Variants in NOS1AP observed in about 807,000 individuals in gnomAD.
The protein encoded by NOS1AP is carboxyl-terminal PDZ ligand of neuronal nitric oxide synthase protein.
A neutral mutation model predicts 56.2 loss-of-function variants in NOS1AP; 21 were observed. The observed-to-expected ratio is 0.37, with a 90% CI of 0.26 to 0.54. NOS1AP has a LOEUF of 0.54. Among genes scored for constraint, NOS1AP ranks in the 20% least tolerant of loss-of-function variants. The pLI, the probability that NOS1AP is intolerant of heterozygous loss-of-function variation, is 0.84. For synonymous variants in NOS1AP, 270 were observed against 274.6 expected (o/e 0.98, Z 0.17); for missense variants, 522 against 657.8 (o/e 0.79, Z 2.26).
chr1:162,332,461 T>G (rs1292848666), intron 4 of NOS1AP, among the ~76,000 whole-genome samples: 1 of 152,196 alleles, frequency 6.6e-6, no homozygotes, highest in African/African-American at 2.4e-5. Flanking sequence ...GCCCACAGTG[T>G]GCACTCAGTG....
At chr1:162,109,423 A>G (rs1263975575) in intron 1 of NOS1AP, among the ~76,000 whole-genome samples, 1 of 152,210 alleles carries the variant, frequency 6.6e-6, no homozygotes, top group Non-Finnish European at 1.5e-5. Context: ...TTAAAGGTGC[A>G]TATTGAATTA....
chr1:162,156,945 T>A (rs1650000103), intron 2 of NOS1AP, among the ~76,000 whole-genome samples: 1 of 152,172 alleles, frequency 6.6e-6, no homozygotes, highest in Non-Finnish European at 1.5e-5. Flanking sequence ...AGGCTCTTTG[T>A]GACCCTAATA....
At chr1:162,205,079 A>G (rs1231332183) in intron 2 of NOS1AP, among the ~76,000 whole-genome samples, 2 of 152,204 alleles carry the variant, frequency 1.3e-5, no homozygotes, top group African/African-American at 2.4e-5. Flanking sequence ...TCACACTGCT[A>G]ATCAGTTGGT....
rs199857282 is a variant in NOS1AP at position 162,367,359 on chromosome 1, C to T, written c.1413C>T (p.Asp471=). The change falls in exon 10 of 10, where the codon GAC becomes GAT. Residue 471 remains aspartate (D), a synonymous_variant. Transcript: ENST00000361897. This position sits in a 1 kb window ranked among gnomAD's most constrained non-coding sequence, Gnocchi z 6.5. ...GIASEYESNT[D]ESEERDSWSQ... ...CCTCGGAGTACGAGTCCAACACGGA[C>T]GAGAGCGAGGAGCGCGACTCGTGGT... is the stretch of plus-strand genomic sequence containing the variant. 6 of 1,612,322 alleles carry T rather than the reference C, an allele frequency of 3.7e-6. No homozygotes were observed. The highest frequency in any genetic ancestry group is 1.3e-5 in the African/African-American group (1 of 75,044).
intron 2 of NOS1AP, among the ~76,000 whole-genome samples, chr1:162,259,880 T>C (rs1000426314): frequency 1.3e-5 from 2 of 152,236 alleles, no homozygotes; most frequent in Admixed American, 1.3e-4. Context: ...GTATTTGTAG[T>C]TGTAAAAATC....
chr1:162,213,655 G>A (rs973110373), intron 2 of NOS1AP, among the ~76,000 whole-genome samples: 1 of 152,168 alleles, frequency 6.6e-6, no homozygotes, highest in Non-Finnish European at 1.5e-5. Flanking sequence ...CTTTGGTCAG[G>A]CTGCCTGGAG....
chr1:162,302,123 TG>T (rs1415638755), intron 4 of NOS1AP, among the ~76,000 whole-genome samples: 2 of 152,244 alleles, frequency 1.3e-5, no homozygotes, highest in Non-Finnish European at 2.9e-5. Flanking sequence ...TACTGTTTAA[TG>T]TTTTTTTGAA....
intron 1 of NOS1AP, among the ~76,000 whole-genome samples, chr1:162,106,177 TC>T (rs1284162057): frequency 6.6e-6 from 1 of 152,162 alleles, no homozygotes; most frequent in Non-Finnish European, 1.5e-5. Flanking sequence ...AAGCATGGTT[TC>T]CCAGGCAGGG....
At chr1:162,354,644 T>A (rs1364029125) in intron 6 of NOS1AP, among the ~76,000 whole-genome samples, 2 of 152,206 alleles carry the variant, frequency 1.3e-5, no homozygotes, top group Non-Finnish European at 2.9e-5. Flanking sequence ...GGCTGGGAGA[T>A]TGATACTGTG....
intron 1 of NOS1AP, among the ~76,000 whole-genome samples, chr1:162,107,757 A>C (rs1044688083): frequency 6.6e-6 from 1 of 152,226 alleles, no homozygotes; most frequent in Non-Finnish European, 1.5e-5. Flanking sequence ...GAACTCAGCC[A>C]ACTGGCTTTA....
At chr1:162,138,925 C>A (rs1310676972) in intron 1 of NOS1AP, among the ~76,000 whole-genome samples, 1 of 152,162 alleles carries the variant, frequency 6.6e-6, no homozygotes, top group Non-Finnish European at 1.5e-5. Context: ...ACTGCTAAAA[C>A]CAGGGCAGTG....
At chr1:162,344,866 T>C (rs1657226354) in intron 6 of NOS1AP, among the ~76,000 whole-genome samples, 1 of 152,146 alleles carries the variant, frequency 6.6e-6, no homozygotes, top group Admixed American at 6.5e-5. Context: ...AGAATTCAGC[T>C]AGAAAGTCAA....
chr1:162,195,880 A>G (rs182286917), intron 2 of NOS1AP, among the ~76,000 whole-genome samples: 1 of 152,322 alleles, frequency 6.6e-6, no homozygotes, highest in African/African-American at 2.4e-5. Flanking sequence ...GCTTCTGGAG[A>G]GAAGTCATAA....
chr1:162,231,839 C>T (rs1031069751), intron 2 of NOS1AP, among the ~76,000 whole-genome samples: 54 of 152,116 alleles, frequency 3.5e-4, no homozygotes, highest in African/African-American at 1.2e-3. Context: ...TAAAAAGTTA[C>T]GAAAATTTTA....
intron 2 of NOS1AP, among the ~76,000 whole-genome samples, chr1:162,181,175 C>T (rs1361691070): frequency 1.3e-5 from 2 of 152,154 alleles, no homozygotes; most frequent in Non-Finnish European, 2.9e-5. Flanking sequence ...AGGGTTAGAC[C>T]CACTCATAAT....
rs139670323 is a variant in NOS1AP, at chr1:162,304,711, T to C, written c.344+4005T>C. ...TAAACTTTAGTCCCTGTGTTTTCGGTGTCCTGGGTACTTTTTTTCATGTAT... is the reference window on the plus strand; with the variant it reads ...TAAACTTTAGTCCCTGTGTTTTCGGCGTCCTGGGTACTTTTTTTCATGTAT... On this transcript the variant is annotated intron_variant, in intron 4 of 9. Transcript: ENST00000361897. 5.7e-3 allele frequency among the ~76,000 whole-genome samples: 861 copies of C among 152,208 alleles called. 15 individuals are homozygous for C. Among genetic ancestry groups the C allele is most frequent in the African/African-American group, 0.019 (809 of 41,540 alleles).
At chr1:162,096,468 A>C (rs974405570) in intron 1 of NOS1AP, among the ~76,000 whole-genome samples, 12 of 152,234 alleles carry the variant, frequency 7.9e-5, no homozygotes, top group African/African-American at 2.9e-4. Flanking sequence ...TATAAAGATC[A>C]TGTAGGTATC....
intron 1 of NOS1AP, among the ~76,000 whole-genome samples, chr1:162,086,259 G>C (rs1331959716): frequency 6.6e-6 from 1 of 152,068 alleles, no homozygotes; most frequent in Non-Finnish European, 1.5e-5. Context: ...GAGAGTGGTG[G>C]AGGGGGCAAT....
intron 2 of NOS1AP, among the ~76,000 whole-genome samples, chr1:162,286,820 T>G (rs542732134): frequency 2.6e-5 from 4 of 152,258 alleles, no homozygotes; most frequent in Non-Finnish European, 5.9e-5. Context: ...CTAGCAGGGC[T>G]GTGGGTAGAC....
Sources: allele counts gnomAD v4.1 joint callset (sites outside exome capture counted in the v4.1 genomes callset), GRCh38; gene constraint gnomAD v4.1.1; non-coding constraint Gnocchi (gnomAD v3.1); transcripts MANE v1.5; gene names NCBI Gene and HGNC (gene_info 2026-07-23, HGNC 2026-07-21).